Variants in PLXNA2 observed in about 807,000 individuals in gnomAD.
PLXNA2 encodes the protein plexin-A2.
Under a neutral mutation model 193.5 loss-of-function variants are expected in PLXNA2, and 91 were observed. That is an observed-to-expected ratio of 0.47 (90% confidence interval 0.40 to 0.56). The LOEUF is 0.56. Among genes scored for constraint, PLXNA2 ranks in the 20% least tolerant of loss-of-function variants. PLXNA2 has a pLI of 0.00. For missense variants in PLXNA2, 1,995 were observed against 2,503.2 expected (o/e 0.80, Z 4.33); for synonymous variants, 997 against 1,027.3 (o/e 0.97, Z 0.56).
rs765653387 is a variant in PLXNA2, at chr1:208,041,611, C to T, written c.4286+487G>A. On this transcript the variant is annotated intron_variant, in intron 22 of 31. Coordinates refer to ENST00000367033, the MANE Select transcript of PLXNA2 (RefSeq NM_025179.4). ...ATGTGGCAACCAAGCACTTAGAAAG[C>T]GGCTAGGTGCTAGGGCAATGGAGGA... is the stretch of plus-strand genomic sequence containing the variant. 7.2e-5 allele frequency among the ~76,000 whole-genome samples: 11 copies of T among 152,302 alleles called. No individual in the cohort carries two copies. The East Asian group carries it at 1.4e-3, about 19-fold the overall frequency.
At chr1:208,080,565 G>T (rs938127141) in intron 11 of PLXNA2, among the ~76,000 whole-genome samples, 1 of 152,260 alleles carries the variant, frequency 6.6e-6, no homozygotes, top group African/African-American at 2.4e-5. Context: ...CCAGGGAAAG[G>T]GTAATTTTAA....
At chr1:208,159,251 C>T (rs769134147) in intron 3 of PLXNA2, among the ~76,000 whole-genome samples, 39 of 152,358 alleles carry the variant, frequency 2.6e-4, no homozygotes, top group Middle Eastern at 3.4e-3. Flanking sequence ...GCATTATCAT[C>T]TGCTAGGCTG....
chr1:208,219,740 A>AC (rs1201620010), intron 1 of PLXNA2, among the ~76,000 whole-genome samples: 1 of 151,780 alleles, frequency 6.6e-6, no homozygotes, highest in Admixed American at 6.6e-5. Context: ...CCCTCCTCCA[A>AC]CCCGACTCCC....
chr1:208,125,573 C>T (rs1218445446), intron 4 of PLXNA2, among the ~76,000 whole-genome samples: 3 of 152,158 alleles, frequency 2.0e-5, no homozygotes, highest in East Asian at 1.9e-4. Context: ...TAGGAGCATA[C>T]ATTTGCATGT....
At chr1:208,210,499 T>C in intron 2 of PLXNA2, 37 bp from the exon 3 acceptor site, 1 of 1,564,948 alleles carries the variant, frequency 6.4e-7, no homozygotes. Context: ...TGAGTAACAG[T>C]GGAGGCATGG....
At chr1:208,146,528 G>A (rs747128216) in intron 3 of PLXNA2, among the ~76,000 whole-genome samples, 20 of 152,302 alleles carry the variant, frequency 1.3e-4, no homozygotes, top group African/African-American at 4.8e-4. Context: ...GGCTGCTAAT[G>A]TAGTTTAAGT....
chr1:208,080,470 A>C (rs1666298957), intron 11 of PLXNA2, among the ~76,000 whole-genome samples: 1 of 152,126 alleles, frequency 6.6e-6, no homozygotes, highest in African/African-American at 2.4e-5. Context: ...AAACACGTAA[A>C]AGTCATTTTT....
chr1:208,047,699 C>T (rs1206626510), intron 17 of PLXNA2, among the ~76,000 whole-genome samples: 1 of 152,180 alleles, frequency 6.6e-6, no homozygotes, highest in Non-Finnish European at 1.5e-5. Context: ...TGCGTCTGGC[C>T]AACATACACA....
In PLXNA2 at chr1:208,200,078, A is replaced by C. The variant is rs370362134; in HGVS notation, c.1371+10202T>G. Among the ~76,000 whole-genome samples, 10 of 152,306 alleles carry C rather than the reference A, an allele frequency of 6.6e-5. 2 individuals carry two copies. Among genetic ancestry groups the C allele is most frequent in the African/African-American group, 2.4e-4 (10 of 41,572 alleles). On this transcript the variant is annotated intron_variant, in intron 3 of 31. Coordinates refer to ENST00000367033, the MANE Select transcript of PLXNA2 (RefSeq NM_025179.4). ...TTTGTTATTAAAGCCTGTTGATGCC[A>C]TTTCTCCTTCCAGATTAGCTGGGGG...
intron 11 of PLXNA2, among the ~76,000 whole-genome samples, chr1:208,080,776 A>G (rs1238942133): frequency 2.6e-5 from 4 of 152,172 alleles, no homozygotes; most frequent in Admixed American, 1.3e-4. Flanking sequence ...AGCTCATTTG[A>G]TCCTCACGGT....
intron 3 of PLXNA2, among the ~76,000 whole-genome samples, chr1:208,202,679 A>G (rs1332279114): frequency 6.6e-6 from 1 of 152,192 alleles, no homozygotes; most frequent in Non-Finnish European, 1.5e-5. Flanking sequence ...GACCTCTGTA[A>G]ACACCAGCAC....
intron 1 of PLXNA2, among the ~76,000 whole-genome samples, chr1:208,218,952 A>C (rs572182864): frequency 6.6e-6 from 1 of 152,208 alleles, no homozygotes; most frequent in South Asian, 2.1e-4. Flanking sequence ...CACCTGGGGC[A>C]GGGGTACCAG....
chr1:208,056,542 T>C (rs529289069), intron 13 of PLXNA2, among the ~76,000 whole-genome samples: 1 of 152,272 alleles, frequency 6.6e-6, no homozygotes, highest in East Asian at 1.9e-4. Flanking sequence ...TGTGTGGAGC[T>C]AATGATGGGC....
chr1:208,159,351 C>T (rs1669035146), intron 3 of PLXNA2, among the ~76,000 whole-genome samples: 1 of 152,160 alleles, frequency 6.6e-6, no homozygotes, highest in South Asian at 2.1e-4. Flanking sequence ...GGGGGAAGTA[C>T]CTTCCCATAG....
At chr1:208,098,487 C>CAA (rs1666989931) in intron 6 of PLXNA2, among the ~76,000 whole-genome samples, 1 of 151,658 alleles carries the variant, frequency 6.6e-6, no homozygotes, top group Non-Finnish European at 1.5e-5. Context: ...CACACACACA[C>CAA]ACACATGCAA....
intron 5 of PLXNA2, among the ~76,000 whole-genome samples, chr1:208,102,699 G>C (rs1350180183): frequency 6.6e-6 from 1 of 152,234 alleles, no homozygotes; most frequent in Non-Finnish European, 1.5e-5. Flanking sequence ...CAGAGGCCTG[G>C]AGTTGTCAGG....
At chr1:208,126,896 C>T (rs897609957) in intron 4 of PLXNA2, among the ~76,000 whole-genome samples, 4 of 152,188 alleles carry the variant, frequency 2.6e-5, no homozygotes, top group Non-Finnish European at 4.4e-5. Context: ...GAGAGGCAGG[C>T]ACACTGTGTC....
At position 208,045,973 on chromosome 1, in the gene PLXNA2, C is replaced by G. The variant is rs774908583; in HGVS notation, c.3400G>C (p.Asp1134His). The G allele has an allele frequency of 6.2e-7, 1 of 1,614,194 alleles. No individual in the cohort carries two copies. The highest frequency in any genetic ancestry group is 8.5e-7 in the Non-Finnish European group (1 of 1,180,044). ...NNVQSLLIYN[D>H]TKFIYYPNPT... ...TTGGGGTAGTAGATAAACTTGGTGT[C>G]GTTGTAAATTAGCAAGGATTGGACA... Residue 1134 changes from aspartate to histidine, a missense_variant, in exon 18 of 32, where the codon GAC becomes CAC. Transcript: ENST00000367033.
intron 3 of PLXNA2, among the ~76,000 whole-genome samples, chr1:208,208,864 A>AGGCACAATTTGCTCAACT (rs1670831281): frequency 6.6e-6 from 1 of 152,220 alleles, no homozygotes; most frequent in African/African-American, 2.4e-5. Context: ...CTCCTAGGCC[A>AGGCACAATTTGCTCAACT]GGCACAATTT....
Sources: gnomAD v4.1 joint callset for allele counts (sites outside exome capture counted in the v4.1 genomes callset) on GRCh38, gnomAD v4.1.1 for gene constraint, MANE v1.5 for transcripts, NCBI Gene and HGNC (gene_info 2026-07-23, HGNC 2026-07-21) for gene names.